The following LRRIQ1 variants were observed in gnomAD, a reference collection of about 807,000 sequenced individuals.
The protein encoded by LRRIQ1 is leucine rich repeats and IQ motif containing 1.
In LRRIQ1, 210 loss-of-function variants were observed where a neutral mutation model predicts 211.9. The observed-to-expected ratio is 0.99, with a 90% CI of 0.89 to 1.11. The LOEUF is 1.11. Ranked by LOEUF, LRRIQ1 falls within the 50% of genes most tolerant of loss-of-function variation. The probability of loss-of-function intolerance (pLI) is 0.00; values close to 1 mark genes in which losing one functional copy is unlikely to be tolerated. For synonymous variants in LRRIQ1, 699 were observed against 650.1 expected, an observed-to-expected ratio of 1.08 and a Z score of -1.14; for missense variants, 2,136 against 1,939.5, an observed-to-expected ratio of 1.10 and a Z score of -1.90.
chr12:85,074,154 T>G (rs1883384694), intron 11 of LRRIQ1, among the ~76,000 whole-genome samples: 1 of 152,062 alleles, frequency 6.6e-6, no homozygotes, highest in African/African-American at 2.4e-5. Context: ...CTATTTGCAT[T>G]TAAGTGAATG....
chr12:85,250,222 G>C (rs932180552), intron 1 of LRRIQ1, among the ~76,000 whole-genome samples: 1 of 151,762 alleles, frequency 6.6e-6, no homozygotes, highest in Non-Finnish European at 1.5e-5. Context: ...AGGCTTTACC[G>C]ACAAAGAAGC....
chr12:85,226,931 A>T (rs1265624228), intron 24 of LRRIQ1, among the ~76,000 whole-genome samples: 1 of 151,996 alleles, frequency 6.6e-6, no homozygotes, highest in Non-Finnish European at 1.5e-5. Flanking sequence ...TCTATCATTG[A>T]TGGACATTTG....
At chr12:85,118,127 A>G (rs998091664) in intron 15 of LRRIQ1, among the ~76,000 whole-genome samples, 4 of 152,158 alleles carry the variant, frequency 2.6e-5, no homozygotes, top group Non-Finnish European at 5.9e-5. Flanking sequence ...TTAACATAAC[A>G]TTCTGCCTTT....
chr12:85,160,565 GA>G, intron 23 of LRRIQ1, 47 bp from the exon 24 acceptor site: 1 of 1,170,866 alleles, frequency 8.5e-7, no homozygotes, highest in Non-Finnish European at 1.3e-6. Context: ...TTTAGAGAAG[GA>G]ATTAACCAAA....
intron 11 of LRRIQ1, among the ~76,000 whole-genome samples, chr12:85,096,130 C>A (rs974816256): frequency 6.6e-6 from 1 of 151,860 alleles, no homozygotes; most frequent in African/African-American, 2.4e-5. Context: ...TTTGTTTATT[C>A]TTTGTGTGGA....
At chr12:85,226,032 T>G (rs1035349905) in intron 24 of LRRIQ1, among the ~76,000 whole-genome samples, 2 of 152,202 alleles carry the variant, frequency 1.3e-5, no homozygotes, top group Non-Finnish European at 2.9e-5. Flanking sequence ...AATTTATGCC[T>G]TGGGGTTAAA....
intron 2 of LRRIQ1, 152 bp downstream of exon 2, chr12:85,038,460 C>T (rs1185647411): frequency 1.1e-5 from 4 of 378,686 alleles, no homozygotes; most frequent in Non-Finnish European, 1.7e-5. Flanking sequence ...TATATAGTCA[C>T]CTATACATCT....
chr12:85,193,151 A>T (rs1892694944), intron 24 of LRRIQ1, among the ~76,000 whole-genome samples: 2 of 118,526 alleles, frequency 1.7e-5, no homozygotes, highest in South Asian at 5.2e-4. Flanking sequence ...GGGACCATAT[A>T]TTTATATATA....
At chr12:85,100,905 C>T (rs1318256037) in intron 13 of LRRIQ1, among the ~76,000 whole-genome samples, 1 of 151,598 alleles carries the variant, frequency 6.6e-6, no homozygotes, top group South Asian at 2.1e-4. Context: ...TTAATTTATG[C>T]TCTTACATGT....
In LRRIQ1 at chr12:85,046,861, A is replaced by G. The variant is rs547288156; in HGVS notation, c.455-386A>G. Among the ~76,000 whole-genome samples the G allele has an allele frequency of 3.7e-4, 57 of 152,312 alleles. No homozygotes were observed. The South Asian group carries it at 0.012, about 31-fold the overall frequency. ...GTTCATGTCCTTTGTAGGGACATGG[A>G]TGAAGCTGGAAACCATCATTCTGAG... On this transcript the variant is annotated intron_variant, in intron 5 of 26. Coordinates refer to ENST00000393217, the MANE Select transcript of LRRIQ1 (RefSeq NM_001079910.2).
chr12:85,095,699 G>A (rs1023213728), intron 11 of LRRIQ1, among the ~76,000 whole-genome samples: 2 of 152,120 alleles, frequency 1.3e-5, no homozygotes. Context: ...TTGTGGAATA[G>A]CTTAAGTAGA....
intron 10 of LRRIQ1, among the ~76,000 whole-genome samples, chr12:85,068,006 C>T (rs556028032): frequency 2.2e-4 from 33 of 151,880 alleles, no homozygotes; most frequent in Non-Finnish European, 3.2e-4. Flanking sequence ...TTATTGCCAG[C>T]GTGATGATGC....
chr12:85,167,451 C>G (rs1891206386), intron 24 of LRRIQ1, among the ~76,000 whole-genome samples: 2 of 151,984 alleles, frequency 1.3e-5, no homozygotes, highest in South Asian at 4.1e-4. Context: ...TGCTGAAGGC[C>G]CAAGTGCCTC....
intron 24 of LRRIQ1, among the ~76,000 whole-genome samples, chr12:85,226,585 G>A (rs1353243311): frequency 1.4e-5 from 2 of 145,208 alleles, no homozygotes; most frequent in South Asian, 4.3e-4. Flanking sequence ...CAACGTGCAG[G>A]TTTGTTACAT....
At chr12:85,144,167 T>G (rs199854834) in intron 19 of LRRIQ1, among the ~76,000 whole-genome samples, 1 of 151,622 alleles carries the variant, frequency 6.6e-6, no homozygotes, top group East Asian at 1.9e-4. Context: ...CATGCAGTAT[T>G]TGGTTTTCTG....
chr12:85,207,202 G>T (rs1893603947), intron 24 of LRRIQ1, among the ~76,000 whole-genome samples: 1 of 152,068 alleles, frequency 6.6e-6, no homozygotes, highest in Non-Finnish European at 1.5e-5. Context: ...GTAGCCTTGT[G>T]CAGAGTTCCC....
At chr12:85,063,333 T>TA (rs1882068417) in intron 8 of LRRIQ1, among the ~76,000 whole-genome samples, 1 of 151,692 alleles carries the variant, frequency 6.6e-6, no homozygotes, top group Non-Finnish European at 1.5e-5. Flanking sequence ...ATGAAAGACT[T>TA]AAATAGAAGA....
intron 1 of LRRIQ1, among the ~76,000 whole-genome samples, chr12:85,250,961 AT>A (rs1422281766): frequency 3.6e-5 from 4 of 111,754 alleles, no homozygotes; most frequent in Admixed American, 1.2e-4. Context: ...TATATTATAT[AT>A]TATATTATAT....
At chr12:85,182,309 G>GAA (rs145202701) in intron 24 of LRRIQ1, among the ~76,000 whole-genome samples, 1 of 150,972 alleles carries the variant, frequency 6.6e-6, no homozygotes, top group African/African-American at 2.4e-5. Context: ...CCCAAGTTAA[G>GAA]AAAAAAAAAT....
Sources: gnomAD v4.1 joint callset for allele counts (sites outside exome capture counted in the v4.1 genomes callset) on GRCh38, gnomAD v4.1.1 for gene constraint, MANE v1.5 for transcripts, NCBI Gene and HGNC (gene_info 2026-07-23, HGNC 2026-07-21) for gene names.